Variants in KCNH7 observed in about 807,000 individuals in gnomAD.
The protein encoded by KCNH7 is voltage-gated inwardly rectifying potassium channel KCNH7.
A neutral mutation model predicts 120.8 loss-of-function variants in KCNH7; 49 were observed. The ratio of observed to expected loss-of-function variants is 0.41; its 90% CI spans 0.32 to 0.51. The LOEUF is 0.51. Among genes scored for constraint, KCNH7 ranks in the 20% least tolerant of loss-of-function variants. The pLI is 0.38. For synonymous variants in KCNH7, 547 were observed against 516.1 expected (o/e 1.06, Z -0.81); for missense variants, 1,097 against 1,446.6 (o/e 0.76, Z 3.92).
chr2:162,435,191 T>G lies in KCNH7; in HGVS notation c.1954+7A>C, dbSNP rs1436261682. On this transcript the variant is annotated splice_region_variant and intron_variant, in intron 8 of 15. Transcript: ENST00000332142. ...CCTAATAGACAACAGAAGAGAAAGC[T>G]ACTTACAGCCAATCAACATGACACA... The G allele has an allele frequency of 6.2e-7, 1 of 1,606,728 alleles. No homozygotes were observed. Among genetic ancestry groups the G allele is most frequent in the Admixed American group, 1.7e-5 (1 of 59,356 alleles).
chr2:162,741,361 C>T (rs34182868), intron 2 of KCNH7, among the ~76,000 whole-genome samples: 2,076 of 147,610 alleles, frequency 0.014, 58 homozygotes, highest in East Asian at 0.062. Flanking sequence ...TAATAACATG[C>T]TATTTTCATG....
chr2:162,409,876 A>G (rs1351215439), intron 9 of KCNH7, among the ~76,000 whole-genome samples: 4 of 152,014 alleles, frequency 2.6e-5, no homozygotes, highest in Non-Finnish European at 5.9e-5. Context: ...GCTTTCAAGG[A>G]GGTGAAAGCT....
At chr2:162,802,913 A>T (rs574476857) in intron 2 of KCNH7, among the ~76,000 whole-genome samples, 2 of 151,930 alleles carry the variant, frequency 1.3e-5, no homozygotes, top group East Asian at 1.9e-4. Context: ...TAGAAAATTT[A>T]AAAATTCAGC....
intron 13 of KCNH7, among the ~76,000 whole-genome samples, chr2:162,382,146 A>T (rs1352100721): frequency 1.3e-5 from 2 of 152,082 alleles, no homozygotes; most frequent in African/African-American, 4.8e-5. Flanking sequence ...TATATAATAA[A>T]TTGGTTTTTA....
intron 2 of KCNH7, among the ~76,000 whole-genome samples, chr2:162,742,524 T>C (rs901002434): frequency 2.0e-5 from 3 of 152,220 alleles, no homozygotes; most frequent in African/African-American, 7.2e-5. Context: ...TAATAAAAAT[T>C]GAATGCTTTA....
chr2:162,406,331 A>G (rs935686947), intron 9 of KCNH7, among the ~76,000 whole-genome samples: 9 of 151,934 alleles, frequency 5.9e-5, no homozygotes, highest in African/African-American at 1.9e-4. Context: ...ATAGTATGAG[A>G]AGGTTTATCT....
chr2:162,504,448 T>A lies in KCNH7; in HGVS notation c.1123A>T (p.Thr375Ser). The A allele has an allele frequency of 6.2e-7, 1 of 1,610,136 alleles. No individual in the cohort carries two copies. Among genetic ancestry groups the A allele is most frequent in the Non-Finnish European group, 8.5e-7 (1 of 1,176,778 alleles). Residue 375 changes from threonine to serine, a missense_variant, in exon 6 of 16, where the codon ACC becomes TCC. Physicochemically the swap from Thr to Ser is moderately conservative, Grantham distance 58. Around this residue, in one of 8 missense-constraint regions of KCNH7, gnomAD observed 362 missense variants for 372.2 expected, o/e 0.97. Transcript: ENST00000332142. Reference sequence around the variant, plus strand: ...ATAAGAAAATTGTGTCCTACCTGGGTCACTTTCTCAGTCACATTGTGTGTT... The same window carrying A: ...ATAAGAAAATTGTGTCCTACCTGGGACACTTTCTCAGTCACATTGTGTGTT... ...DRTHNVTEKV[T>S]QVLSLGADVL...
chr2:162,613,279 A>G (rs1272824485), intron 2 of KCNH7, among the ~76,000 whole-genome samples: 2 of 152,062 alleles, frequency 1.3e-5, no homozygotes, highest in South Asian at 2.1e-4. Flanking sequence ...GTGACTATCA[A>G]CATATTGATA....
intron 2 of KCNH7, among the ~76,000 whole-genome samples, chr2:162,659,511 T>C (rs1684884483): frequency 6.6e-6 from 1 of 151,876 alleles, no homozygotes; most frequent in South Asian, 2.1e-4. Flanking sequence ...CTGGCTAATT[T>C]TTGTATTTTT....
At chr2:162,392,792 G>A (rs749671020) in intron 12 of KCNH7, among the ~76,000 whole-genome samples, 9 of 151,932 alleles carry the variant, frequency 5.9e-5, no homozygotes, top group Admixed American at 2.6e-4. Context: ...AAATAAGACT[G>A]AAGAGGTAAG....
chr2:162,739,832 A>C lies in KCNH7; in HGVS notation c.307+96705T>G, dbSNP rs1012842468. Among the ~76,000 whole-genome samples, 3 of 152,084 alleles carry C rather than the reference A, an allele frequency of 2.0e-5. No individual in the cohort carries two copies. The South Asian group carries it at 6.2e-4, about 31-fold the overall frequency. On this transcript the variant is annotated intron_variant, in intron 2 of 15. Coordinates refer to ENST00000332142, the MANE Select transcript of KCNH7 (RefSeq NM_033272.4). ...AAAGATATGATCATTCAGACCTAGT[A>C]AGAAAAGACACATCAATGAGATATG... is the stretch of plus-strand genomic sequence containing the variant.
intron 6 of KCNH7, among the ~76,000 whole-genome samples, chr2:162,447,757 A>C (rs376397629): frequency 6.6e-6 from 1 of 152,056 alleles, no homozygotes; most frequent in South Asian, 2.1e-4. Flanking sequence ...TTGAAATTTA[A>C]ATCTTATATT....
chr2:162,403,750 A>G (rs1318916516), intron 9 of KCNH7, among the ~76,000 whole-genome samples: 1 of 151,964 alleles, frequency 6.6e-6, no homozygotes, highest in East Asian at 1.9e-4. Context: ...CACTGAAGTA[A>G]AACTCGATAA....
intron 2 of KCNH7, among the ~76,000 whole-genome samples, chr2:162,711,740 A>T (rs1285199781): frequency 6.6e-6 from 1 of 152,188 alleles, no homozygotes; most frequent in Non-Finnish European, 1.5e-5. Flanking sequence ...TGCTTCACAC[A>T]GTAAACGTTT....
At chr2:162,532,983 G>A (rs972700031) in intron 3 of KCNH7, among the ~76,000 whole-genome samples, 11 of 151,764 alleles carry the variant, frequency 7.2e-5, no homozygotes, top group Admixed American at 5.9e-4. Context: ...CTGCATGGTG[G>A]GAAGCAGAAG....
intron 2 of KCNH7, among the ~76,000 whole-genome samples, chr2:162,558,947 C>A (rs968752631): frequency 1.4e-5 from 2 of 146,268 alleles, no homozygotes; most frequent in East Asian, 2.1e-4. Flanking sequence ...CCCAGCTACT[C>A]GGGAGGCTGA....
At chr2:162,613,540 T>A (rs1559044551) in intron 2 of KCNH7, among the ~76,000 whole-genome samples, 3 of 152,028 alleles carry the variant, frequency 2.0e-5, no homozygotes, top group African/African-American at 7.2e-5. Flanking sequence ...AAATTTACAC[T>A]TTAATTGTCA....
intron 12 of KCNH7, among the ~76,000 whole-genome samples, chr2:162,385,353 T>A (rs1275666113): frequency 6.6e-6 from 1 of 151,924 alleles, no homozygotes; most frequent in Non-Finnish European, 1.5e-5. Context: ...CCCTATTATC[T>A]GTTTTAGCTG....
intron 2 of KCNH7, among the ~76,000 whole-genome samples, chr2:162,554,425 A>G (rs1692788993): frequency 6.6e-6 from 1 of 151,960 alleles, no homozygotes; most frequent in Non-Finnish European, 1.5e-5. Context: ...TATTATTATT[A>G]TTATTATTAA....
Sources: gnomAD v4.1 joint callset for allele counts (sites outside exome capture counted in the v4.1 genomes callset) on GRCh38, gnomAD v4.1.1 for gene constraint, gnomAD v4.1.1 regional missense constraint, MANE v1.5 for transcripts, NCBI Gene and HGNC (gene_info 2026-07-23, HGNC 2026-07-21) for gene names.